The following FAM90A1 variants were observed in gnomAD, a reference collection of about 807,000 sequenced individuals.
FAM90A1 encodes the protein family with sequence similarity 90 member A1.
A neutral mutation model predicts 14.8 loss-of-function variants in FAM90A1; 10 were observed. The observed-to-expected ratio is 0.67, with a 90% CI of 0.42 to 1.14. The LOEUF (loss-of-function observed/expected upper bound fraction) is 1.14, where lower values mean the gene tolerates loss of function less well. Ranked by LOEUF, FAM90A1 falls within the 50% of genes most tolerant of loss-of-function variation. The pLI is 0.00. For missense variants in FAM90A1, 567 were observed against 602.8 expected (o/e 0.94, Z 0.62); for synonymous variants, 236 against 248.4 (o/e 0.95, Z 0.47).
chr12:8,222,423 A>G lies in FAM90A1; in HGVS notation c.794T>C (p.Val265Ala), dbSNP rs781456182. Residue 265 changes from valine to alanine, a missense_variant, in exon 7 of 7, where the codon GTG becomes GCG. By Grantham distance (64) the Val-to-Ala change is moderately conservative (BLOSUM62 0). Coordinates refer to ENST00000538603, the MANE Select transcript of FAM90A1 (RefSeq NM_018088.3). ...GGCTGGTGGGCAGGGCTGTGAGGTC[A>G]CCGCAGGACGTTTGTCTTGTGCCTG... ...SPQAQDKRPAVTSQPCPPAAT... is the reference protein window; with the variant it reads ...SPQAQDKRPAATSQPCPPAAT... 2 of 1,610,748 alleles carry G rather than the reference A, an allele frequency of 1.2e-6. No individual in the cohort carries two copies. The highest frequency in any genetic ancestry group is 1.1e-5 in the South Asian group (1 of 90,896).
rs1948866508 is a variant in FAM90A1, at chr12:8,222,896, C to A, written c.433-112G>T. 3.3e-6 allele frequency: 4 copies of A among 1,222,838 alleles called. No homozygotes were observed. The South Asian group carries it at 5.3e-5, about 16-fold the overall frequency. The allele number at this position is 1,222,838 out of a possible 1,614,324, so 75.7% of individuals were successfully genotyped here. On this transcript the variant is annotated intron_variant, in intron 6 of 6. Transcript: ENST00000538603. ...CGCCATGAAATTCTTAGTACACTAT[C>A]GACAGGCGGTCCTTGGAAGTAGGGA...
chr12:8,225,334 C>T (rs1948920903), intron 3 of FAM90A1, among the ~76,000 whole-genome samples: 1 of 152,256 alleles, frequency 6.6e-6, no homozygotes, highest in African/African-American at 2.4e-5. Flanking sequence ...ACTTGAATCG[C>T]TACTCTTGCC....
chr12:8,221,589 G>C lies in FAM90A1; in HGVS notation c.*233C>G. On this transcript the variant is annotated 3_prime_UTR_variant, in exon 7 of 7. Transcript: ENST00000538603. ...ATCACTGGCACGGAAGCTTTTCCTG[G>C]CGCGTTTCCAGAGAACCATGCGAAC... 1.7e-6 allele frequency: 1 copy of C among 592,284 alleles called. No individual in the cohort carries two copies. The highest frequency in any genetic ancestry group is 3.0e-6 in the Non-Finnish European group (1 of 337,494). The allele number at this position is 592,284 out of a possible 1,614,324, so 36.7% of individuals were successfully genotyped here. A position where few individuals can be genotyped will look rare whatever the true frequency, so the allele number is the denominator to read the frequency against.
chr12:8,225,456 C>A (rs2965683), intron 3 of FAM90A1, among the ~76,000 whole-genome samples: 1 of 151,846 alleles, frequency 6.6e-6, no homozygotes, highest in Non-Finnish European at 1.5e-5. Flanking sequence ...TTAGCTCCAG[C>A]CCCTCTTTAT....
chr12:8,222,596 C>G lies in FAM90A1; in HGVS notation c.621G>C (p.Ala207=). The G allele has an allele frequency of 6.2e-7, 1 of 1,611,976 alleles. No individual in the cohort carries two copies. The highest frequency in any genetic ancestry group is 1.1e-5 in the South Asian group (1 of 90,994). ...LGPKERQTGA[A]ADIPQTAVRH... ...TGACTGCAGTCTGAGGGATGTCGGCCGCAGCCCCTGTCTGTCTTTCCTTTG... is the reference window on the plus strand; with the variant it reads ...TGACTGCAGTCTGAGGGATGTCGGCGGCAGCCCCTGTCTGTCTTTCCTTTG... The change falls in exon 7 of 7, where the codon GCG becomes GCC. Residue 207 remains alanine (A), a synonymous_variant. Coordinates refer to ENST00000538603, the MANE Select transcript of FAM90A1 (RefSeq NM_018088.3).
At chr12:8,222,867 C>T (rs751000293) in intron 6 of FAM90A1, 83 bp from the exon 7 acceptor site, 36 of 1,452,868 alleles carry the variant, frequency 2.5e-5, no homozygotes, top group Non-Finnish European at 3.4e-5. Context: ...AGACAAGGTG[C>T]ACACGCCATG....
Position 8,222,663 on chromosome 12 carries a change from G to A in FAM90A1, c.554C>T (p.Pro185Leu), listed in dbSNP as rs751715960. 6.2e-6 allele frequency: 10 copies of A among 1,611,056 alleles called. No individual in the cohort carries two copies. In the South Asian group the frequency reaches 1.1e-4, roughly 18 times the overall value. The change falls in exon 7 of 7, where the codon CCC becomes CTC. Residue 185 changes from proline to leucine, a missense_variant. Coordinates refer to ENST00000538603, the MANE Select transcript of FAM90A1 (RefSeq NM_018088.3). ...DRGSVLASLS[P>L]LRKASLSSSS... is the part of the protein sequence containing the mutation. ...GGAGCTCAGACTGGCTTTTCTGAGG[G>A]GAGACAGTGAAGCTAAGACGGAGCC... is the stretch of plus-strand genomic sequence containing the variant.
In FAM90A1 at chr12:8,221,795, G is replaced by A. The variant is rs748607191; in HGVS notation, c.*27C>T. On this transcript the variant is annotated 3_prime_UTR_variant, in exon 7 of 7. Transcript: ENST00000538603. ...CCCCTCCAAGTCACGGGAGCTGGAGGCCAAGGAGCCCCTGCCACCTGCAGT... is the reference window on the plus strand; with the variant it reads ...CCCCTCCAAGTCACGGGAGCTGGAGACCAAGGAGCCCCTGCCACCTGCAGT... 3.2e-6 allele frequency: 5 copies of A among 1,585,392 alleles called. No homozygotes were observed. The highest frequency in any genetic ancestry group is 2.2e-5 in the East Asian group (1 of 44,800).
At chr12:8,225,465 A>G (rs1483221079) in intron 3 of FAM90A1, among the ~76,000 whole-genome samples, 12 of 151,976 alleles carry the variant, frequency 7.9e-5, no homozygotes, top group Non-Finnish European at 1.8e-4. Context: ...GCCCCTCTTT[A>G]TTTATTTTTC....
At chr12:8,223,693 CT>C (rs1399629357) in intron 5 of FAM90A1, 136 bp from the exon 6 acceptor site, 11 of 690,758 alleles carry the variant, frequency 1.6e-5, no homozygotes, top group Middle Eastern at 7.8e-4. Flanking sequence ...GCCTCTGCAC[CT>C]TCCCTCACGT....
In FAM90A1 at chr12:8,222,455, G is replaced by GA. The variant is rs1169472202; in HGVS notation, c.761dup (p.Ser255GlnfsTer70). 1 of 1,598,006 alleles carries GA rather than the reference G, an allele frequency of 6.3e-7. No homozygotes were observed. The highest frequency in any genetic ancestry group is 1.3e-5 in the African/African-American group (1 of 74,792). On this transcript the variant is annotated frameshift_variant, in exon 7 of 7. Coordinates refer to ENST00000538603, the MANE Select transcript of FAM90A1 (RefSeq NM_018088.3). LOFTEE classifies it low-confidence loss of function (END_TRUNC). ...GACGTTTGTCTTGTGCCTGGGGGCT[G>GA]ACGGCCTGGAGCAGGCCGTGGGTTT... is the stretch of plus-strand genomic sequence containing the variant.
rs994805442 is a variant in FAM90A1, at chr12:8,223,665, A to T, written c.324-108T>A. 4.4e-5 allele frequency: 33 copies of T among 758,026 alleles called. No individual in the cohort carries two copies. The Admixed American group carries it at 4.6e-4, about 11-fold the overall frequency. The allele number at this position is 758,026 out of a possible 1,614,324, so 47.0% of individuals were successfully genotyped here. ...TCCGTGTTTTGTGATACAGAAATGGACATCTGGTGCCCTTTCCGCCTCTGC... is the reference window on the plus strand; with the variant it reads ...TCCGTGTTTTGTGATACAGAAATGGTCATCTGGTGCCCTTTCCGCCTCTGC... On this transcript the variant is annotated intron_variant, in intron 5 of 6. Transcript: ENST00000538603.
Position 8,226,296 on chromosome 12 carries a change from T to C in FAM90A1, c.-238A>G, listed in dbSNP as rs1948941629. ...CCTTTTAATTGGACCATATTTACTC[T>C]ATCTCGACGTAGGCCTCCGTGTCAT... On this transcript the variant is annotated 5_prime_UTR_variant, in exon 2 of 7. It adds an upstream start codon to the 5' untranslated region. Transcript: ENST00000538603. The C allele has an allele frequency of 1.3e-5, 2 of 152,280 alleles. No homozygotes were observed. The highest frequency in any genetic ancestry group is 4.8e-5 in the African/African-American group (2 of 41,466). 9.4% of individuals were successfully genotyped at this position (152,280 alleles called of 1,614,324 possible).
At chr12:8,224,391 C>G (rs113982720) in intron 4 of FAM90A1, among the ~76,000 whole-genome samples, 176 bp from the exon 5 acceptor site, 1 of 152,014 alleles carries the variant, frequency 6.6e-6, no homozygotes, top group East Asian at 1.9e-4. Context: ...CCTCCCAAAG[C>G]CCATGTGACG....
chr12:8,227,211 A>G (rs1444440536), intron 1 of FAM90A1, among the ~76,000 whole-genome samples: 1 of 152,180 alleles, frequency 6.6e-6, no homozygotes, highest in Non-Finnish European at 1.5e-5. Context: ...GAGGAGGGGG[A>G]AAAGCAGAAG....
In FAM90A1 at chr12:8,222,308, G is replaced by T. The variant is rs1424777104; in HGVS notation, c.909C>A (p.Asn303Lys). 1 of 1,611,520 alleles carries T rather than the reference G, an allele frequency of 6.2e-7. No individual in the cohort carries two copies. Among genetic ancestry groups the T allele is most frequent in the Non-Finnish European group, 8.5e-7 (1 of 1,179,960 alleles). ...GACCCAGTCTCGGTTTCTTGGGGAA[G>T]TTCAGGCAAGCCTGAATCGGAGCCG... is the stretch of plus-strand genomic sequence containing the variant. Reference protein sequence around the residue: ...SAPAPIQACLNFPKKPRLGPF... With the variant: ...SAPAPIQACLKFPKKPRLGPF... The change falls in exon 7 of 7, where the codon AAC (asparagine) becomes AAA (lysine). Residue 303 changes from asparagine (N) to lysine (K), a missense_variant. Coordinates refer to ENST00000538603, the MANE Select transcript of FAM90A1 (RefSeq NM_018088.3).
rs759794746 is a variant in FAM90A1 at position 8,224,863 on chromosome 12, T to G, written c.-31A>C. On this transcript the variant is annotated 5_prime_UTR_variant, in exon 4 of 7. Coordinates refer to ENST00000538603, the MANE Select transcript of FAM90A1 (RefSeq NM_018088.3). ...TCTCCTGGGGGTTTTATGACCGCCT[T>G]TTTCAGGGGTTGATTGTCGGGTCAC... 7 of 1,604,556 alleles carry G rather than the reference T, an allele frequency of 4.4e-6. No individual in the cohort carries two copies. In the East Asian group the frequency reaches 8.9e-5, roughly 20 times the overall value.
At chr12:8,227,098 C>T (rs1387561039) in intron 1 of FAM90A1, among the ~76,000 whole-genome samples, 4 of 152,174 alleles carry the variant, frequency 2.6e-5, no homozygotes, top group East Asian at 1.9e-4. Flanking sequence ...CCATTGTGCC[C>T]GGTCATGTCA....
In FAM90A1 at chr12:8,222,683, G is replaced by A. The variant is rs778418202; in HGVS notation, c.534C>T (p.Ser178=). The change falls in exon 7 of 7, where the codon TCC becomes TCT. Residue 178 remains serine (S), a synonymous_variant. Transcript: ENST00000538603. The part of the protein sequence containing the change: ...RSATEMSDRG[S]VLASLSPLRK... ...TGAGGGGAGACAGTGAAGCTAAGAC[G>A]GAGCCCCTGTCAGACATTTCGGTAG... 24 of 1,609,782 alleles carry A rather than the reference G, an allele frequency of 1.5e-5. No homozygotes were observed. Among genetic ancestry groups the A allele is most frequent in the African/African-American group, 8.0e-5 (6 of 74,852 alleles).
Sources: allele counts gnomAD v4.1 joint callset (sites outside exome capture counted in the v4.1 genomes callset), GRCh38; gene constraint gnomAD v4.1.1; transcripts MANE v1.5; gene names NCBI Gene and HGNC (gene_info 2026-07-23, HGNC 2026-07-21).